The following AGBL4 variants were observed in gnomAD, a reference collection of about 807,000 sequenced individuals.
The protein encoded by AGBL4 is AGBL carboxypeptidase 4.
In AGBL4, 58 loss-of-function variants were observed where a neutral mutation model predicts 66.4. The observed-to-expected ratio is 0.87, with a 90% CI of 0.71 to 1.09. The LOEUF (loss-of-function observed/expected upper bound fraction) is 1.09. Ranked by LOEUF, AGBL4 falls within the 50% of genes least tolerant of loss-of-function variation. The pLI is 0.00. For missense variants in AGBL4, 579 were observed against 631.0 expected, an observed-to-expected ratio of 0.92 and a Z score of 0.88; for synonymous variants, 234 against 222.9, an observed-to-expected ratio of 1.05 and a Z score of -0.44.
intron 1 of AGBL4, among the ~76,000 whole-genome samples, chr1:49,873,513 C>G (rs916578743): frequency 6.6e-6 from 1 of 152,006 alleles, no homozygotes; most frequent in Admixed American, 6.6e-5. Context: ...TGTTCCTAAG[C>G]AGATAGCTAC....
intron 8 of AGBL4, among the ~76,000 whole-genome samples, chr1:48,649,134 G>A (rs1330551695): frequency 3.9e-5 from 6 of 152,156 alleles, no homozygotes; most frequent in South Asian, 2.1e-4. Flanking sequence ...CTGACTTCAC[G>A]GAGTTTATAG....
chr1:48,575,696 A>T (rs936905893), intron 11 of AGBL4, among the ~76,000 whole-genome samples: 1 of 152,164 alleles, frequency 6.6e-6, no homozygotes, highest in Non-Finnish European at 1.5e-5. Flanking sequence ...GGTAAAAGTG[A>T]TGGTGCTTCC....
At chr1:48,694,984 T>C (rs13376144) in intron 6 of AGBL4, among the ~76,000 whole-genome samples, 119 of 152,332 alleles carry the variant, frequency 7.8e-4, no homozygotes, top group African/African-American at 2.7e-3. Context: ...TTCTAACCTC[T>C]CTCCAGTTAC....
intron 3 of AGBL4, among the ~76,000 whole-genome samples, chr1:49,264,990 C>T (rs1221633512): frequency 1.3e-5 from 2 of 152,108 alleles, no homozygotes; most frequent in Admixed American, 1.3e-4. Flanking sequence ...TATTTTCTTT[C>T]ATAATTCATT....
chr1:49,735,650 C>A (rs368943551), intron 2 of AGBL4, among the ~76,000 whole-genome samples: 5 of 152,054 alleles, frequency 3.3e-5, no homozygotes, highest in East Asian at 1.9e-4. Flanking sequence ...GGACTACACA[C>A]CTAACATAAG....
intron 1 of AGBL4, among the ~76,000 whole-genome samples, chr1:49,872,192 G>C (rs1194013896): frequency 6.6e-6 from 1 of 151,932 alleles, no homozygotes; most frequent in African/African-American, 2.4e-5. Context: ...TTTAACAATA[G>C]AGTATACTCT....
intron 5 of AGBL4, among the ~76,000 whole-genome samples, chr1:48,935,064 A>G (rs1237572652): frequency 1.3e-5 from 2 of 152,222 alleles, no homozygotes; most frequent in Non-Finnish European, 2.9e-5. Flanking sequence ...GAGACAATCA[A>G]TTTTGGTTAT....
At chr1:48,648,325 T>C (rs1645871840) in intron 8 of AGBL4, among the ~76,000 whole-genome samples, 1 of 152,228 alleles carries the variant, frequency 6.6e-6, no homozygotes, top group Non-Finnish European at 1.5e-5. Flanking sequence ...CTTTGTCTTT[T>C]GATGAGTGGC....
intron 3 of AGBL4, among the ~76,000 whole-genome samples, chr1:49,644,625 T>A (rs1201909459): frequency 1.3e-5 from 2 of 151,414 alleles, no homozygotes; most frequent in Non-Finnish European, 3.0e-5. Flanking sequence ...GAAGTGAAAC[T>A]GGTAAAAGCT....
chr1:48,965,538 A>G (rs1402776349), intron 5 of AGBL4, among the ~76,000 whole-genome samples: 1 of 152,178 alleles, frequency 6.6e-6, no homozygotes, highest in Non-Finnish European at 1.5e-5. Context: ...ATTTCACCAC[A>G]GTGGTAGCAC....
At chr1:49,437,438 G>T (rs902662964) in intron 3 of AGBL4, among the ~76,000 whole-genome samples, 1 of 151,992 alleles carries the variant, frequency 6.6e-6, no homozygotes, top group Non-Finnish European at 1.5e-5. Context: ...TAAAATTATG[G>T]TTTTTCCATT....
chr1:48,961,881 C>G (rs932299181), intron 5 of AGBL4, among the ~76,000 whole-genome samples: 3 of 152,198 alleles, frequency 2.0e-5, no homozygotes, highest in African/African-American at 7.2e-5. Context: ...CTCCTCACAT[C>G]CAGGTCCACA....
chr1:48,526,145 G>A, the AGBL4 span, among the ~76,000 whole-genome samples: 2 of 152,190 alleles, frequency 1.3e-5, no homozygotes, highest in Admixed American at 1.3e-4. Flanking sequence ...GCAAAATGAG[G>A]TCATGCACAG....
intron 2 of AGBL4, among the ~76,000 whole-genome samples, chr1:49,735,296 G>GGTGTGTGTGGGT (rs1649780288): frequency 1.6e-5 from 2 of 127,312 alleles, no homozygotes; most frequent in Admixed American, 7.8e-5. Context: ...GAGGTGTGTG[G>GGTGTGTGTGGGT]GTGTGTGTGT....
intron 5 of AGBL4, among the ~76,000 whole-genome samples, chr1:48,895,321 A>G (rs993567655): frequency 1.3e-5 from 2 of 152,202 alleles, no homozygotes; most frequent in African/African-American, 4.8e-5. Flanking sequence ...CAACATGGCC[A>G]TGATCTTCCT....
intron 3 of AGBL4, among the ~76,000 whole-genome samples, chr1:49,372,087 T>C (rs538033803): frequency 6.6e-6 from 1 of 152,270 alleles, no homozygotes; most frequent in South Asian, 2.1e-4. Context: ...ATGGGTGGCA[T>C]ATCCTGCTTA....
intron 1 of AGBL4, among the ~76,000 whole-genome samples, chr1:50,012,928 CTGGTT>C (rs1023167078): frequency 6.6e-6 from 1 of 152,138 alleles, no homozygotes; most frequent in African/African-American, 2.4e-5. Context: ...AAAACATGCC[CTGGTT>C]TGTTTCCACC....
chr1:49,428,295 A>C (rs1472375904), intron 3 of AGBL4, among the ~76,000 whole-genome samples: 1 of 152,324 alleles, frequency 6.6e-6, no homozygotes, highest in Non-Finnish European at 1.5e-5. Flanking sequence ...ACAGATTCAT[A>C]GTGGGCAAAA....
In AGBL4 at chr1:48,720,278, G is replaced by A. The variant is rs147881832; in HGVS notation, c.635-57037C>T. ...AGGTCACAAGAGGTGCCACAGAGCA[G>A]GGAGAAGGGTTCCAACCCAGGCTGG... On this transcript the variant is annotated intron_variant, in intron 6 of 13. Coordinates refer to ENST00000371839, the MANE Select transcript of AGBL4 (RefSeq NM_032785.4). 1.2e-4 allele frequency among the ~76,000 whole-genome samples: 18 copies of A among 152,322 alleles called. No homozygotes were observed. The East Asian group carries it at 3.5e-3, about 29-fold the overall frequency.
Sources: gnomAD v4.1 joint callset for allele counts (sites outside exome capture counted in the v4.1 genomes callset) on GRCh38, gnomAD v4.1.1 for gene constraint, MANE v1.5 for transcripts, NCBI Gene and HGNC (gene_info 2026-07-23, HGNC 2026-07-21) for gene names.